Variants in AFF3 observed in about 807,000 individuals in gnomAD.
The protein encoded by AFF3 is ALF transcription elongation factor 3.
In AFF3, 32 loss-of-function variants were observed where a neutral mutation model predicts 129.7. That is an observed-to-expected ratio of 0.25 (90% CI 0.19 to 0.33). AFF3 has a LOEUF of 0.33. AFF3 is among the 10% of genes least tolerant of loss of function. AFF3 has a pLI of 1.00. For synonymous variants in AFF3, 644 were observed against 635.4 expected, an observed-to-expected ratio of 1.01 and a Z score of -0.20; for missense variants, 1,373 against 1,592.0, an observed-to-expected ratio of 0.86 and a Z score of 2.34.
At chr2:99,671,726 C>T (rs1189053872) in intron 12 of AFF3, among the ~76,000 whole-genome samples, 1 of 152,058 alleles carries the variant, frequency 6.6e-6, no homozygotes, top group Non-Finnish European at 1.5e-5. Context: ...TCTTTCTACC[C>T]ATCACATGTA....
intron 8 of AFF3, among the ~76,000 whole-genome samples, chr2:99,827,403 C>G (rs915160467): frequency 3.6e-4 from 54 of 152,106 alleles, no homozygotes; most frequent in Admixed American, 1.7e-3. Flanking sequence ...AGCATTTTCA[C>G]GTGGATCCTG....
chr2:100,116,418 T>C (rs933656992), intron 2 of AFF3, among the ~76,000 whole-genome samples: 1 of 152,146 alleles, frequency 6.6e-6, no homozygotes, highest in African/African-American at 2.4e-5. Context: ...TTCTGTTCCT[T>C]TGTCTATTTT....
At chr2:99,848,305 C>T (rs988028234) in intron 7 of AFF3, among the ~76,000 whole-genome samples, 1 of 151,520 alleles carries the variant, frequency 6.6e-6, no homozygotes, top group Non-Finnish European at 1.5e-5. Flanking sequence ...TAAAAAAAGA[C>T]ATCACATGTA....
At chr2:99,926,853 T>G (rs756145475) in intron 7 of AFF3, among the ~76,000 whole-genome samples, 3 of 152,000 alleles carry the variant, frequency 2.0e-5, no homozygotes, top group Non-Finnish European at 4.4e-5. Flanking sequence ...GATTAAAAAT[T>G]TAAAAAAAAA....
At chr2:99,757,454 C>T (rs1682208766) in intron 8 of AFF3, among the ~76,000 whole-genome samples, 1 of 152,178 alleles carries the variant, frequency 6.6e-6, no homozygotes, top group Non-Finnish European at 1.5e-5. Flanking sequence ...ATAATAATAA[C>T]AATAATTCTC....
chr2:99,729,199 CCAAA>C (rs1489076233), intron 10 of AFF3, among the ~76,000 whole-genome samples: 1 of 152,056 alleles, frequency 6.6e-6, no homozygotes, highest in African/African-American at 2.4e-5. Flanking sequence ...GGTAAAATTC[CCAAA>C]CAATTTATGT....
intron 15 of AFF3, among the ~76,000 whole-genome samples, chr2:99,591,708 A>G (rs1678699299): frequency 6.6e-6 from 1 of 152,186 alleles, no homozygotes; most frequent in Admixed American, 6.5e-5. Flanking sequence ...TTTTCTATTG[A>G]TAGACTAGAC....
At position 99,631,398 on chromosome 2, in the gene AFF3, A is replaced by G. The variant is rs192314010; in HGVS notation, c.1184+18228T>C. 5.3e-5 allele frequency among the ~76,000 whole-genome samples: 8 copies of G among 152,342 alleles called. No homozygotes were observed. The East Asian group carries it at 1.5e-3, about 29-fold the overall frequency. ...ACCAATTTTAAGTGTTCAGTTCAGT[A>G]GTGTTAAAGTACATTCACACTGCTG... On this transcript the variant is annotated intron_variant, in intron 13 of 24. Coordinates refer to ENST00000672756, the MANE Select transcript of AFF3 (RefSeq NM_001386135.1).
At chr2:100,016,265 C>T (rs1280205737) in intron 4 of AFF3, among the ~76,000 whole-genome samples, 4 of 111,916 alleles carry the variant, frequency 3.6e-5, no homozygotes, top group African/African-American at 7.3e-5. Context: ...GTAGTGGTGG[C>T]GGTGGCAGTG....
At chr2:99,602,540 A>T (rs1162520637) in intron 13 of AFF3, among the ~76,000 whole-genome samples, 1 of 152,226 alleles carries the variant, frequency 6.6e-6, no homozygotes, top group Non-Finnish European at 1.5e-5. Flanking sequence ...AAATTTCAGT[A>T]CTCACATAAT....
At chr2:100,010,442 G>T (rs996781375) in intron 4 of AFF3, among the ~76,000 whole-genome samples, 1 of 152,174 alleles carries the variant, frequency 6.6e-6, no homozygotes, top group African/African-American at 2.4e-5. Flanking sequence ...CATGCTTCTG[G>T]CAAGGCTGCT....
At chr2:100,089,092 A>C (rs1451416641) in intron 4 of AFF3, among the ~76,000 whole-genome samples, 2 of 152,118 alleles carry the variant, frequency 1.3e-5, no homozygotes, top group African/African-American at 4.8e-5. Context: ...TAAAGTGTGA[A>C]CCTATGCTCT....
chr2:99,994,859 A>G (rs1441228829), intron 7 of AFF3, among the ~76,000 whole-genome samples: 2 of 152,202 alleles, frequency 1.3e-5, no homozygotes, highest in Non-Finnish European at 2.9e-5. Context: ...GGTTCACCCT[A>G]TATTTGAGGT....
chr2:99,981,694 C>T (rs1679420867), intron 7 of AFF3, among the ~76,000 whole-genome samples: 2 of 152,264 alleles, frequency 1.3e-5, no homozygotes, highest in Non-Finnish European at 2.9e-5. Context: ...GTTTTTAGAG[C>T]ACTGGGGCTT....
chr2:99,791,805 T>G (rs1043977277), intron 8 of AFF3, among the ~76,000 whole-genome samples: 1 of 152,140 alleles, frequency 6.6e-6, no homozygotes, highest in Non-Finnish European at 1.5e-5. Context: ...TAGTGCCATA[T>G]TTTTTGCAAT....
At chr2:99,890,734 G>T (rs898831692) in intron 7 of AFF3, among the ~76,000 whole-genome samples, 1 of 152,024 alleles carries the variant, frequency 6.6e-6, no homozygotes, top group Admixed American at 6.6e-5. Flanking sequence ...CTTCTGTCTG[G>T]GCACAGTGAC....
intron 2 of AFF3, among the ~76,000 whole-genome samples, chr2:100,122,708 A>G (rs1692028002): frequency 6.6e-6 from 1 of 152,242 alleles, no homozygotes; most frequent in Admixed American, 6.5e-5. Flanking sequence ...AATGAAGTCA[A>G]TGTTTCTCAA....
chr2:99,955,491 G>A (rs1055249721), intron 7 of AFF3, among the ~76,000 whole-genome samples: 1 of 152,030 alleles, frequency 6.6e-6, no homozygotes, highest in Non-Finnish European at 1.5e-5. Context: ...ATTTAAATAT[G>A]TGTGTTATAT....
chr2:99,916,505 G>C (rs1695486100), intron 7 of AFF3, among the ~76,000 whole-genome samples: 1 of 152,124 alleles, frequency 6.6e-6, no homozygotes, highest in Non-Finnish European at 1.5e-5. Flanking sequence ...GTGAAGAATT[G>C]AACTTAGGAT....
Sources: gnomAD v4.1 joint callset for allele counts (sites outside exome capture counted in the v4.1 genomes callset) on GRCh38, gnomAD v4.1.1 for gene constraint, MANE v1.5 for transcripts, NCBI Gene and HGNC (gene_info 2026-07-23, HGNC 2026-07-21) for gene names.